Variants in SEMA5A observed in about 807,000 individuals in gnomAD.
SEMA5A encodes semaphorin 5A.
SEMA5A carries 55 observed loss-of-function variants against 135.5 expected under a neutral mutation model. The ratio of observed to expected loss-of-function variants is 0.41; its 90% confidence interval spans 0.33 to 0.51. The LOEUF is 0.51. Among genes scored for constraint, SEMA5A ranks in the 20% least tolerant of loss-of-function variants. The probability of loss-of-function intolerance (pLI) is 0.37; values close to 1 mark genes in which losing one functional copy is unlikely to be tolerated. For synonymous variants in SEMA5A, 580 were observed against 546.5 expected (o/e 1.06, Z -0.85); for missense variants, 1,290 against 1,419.9 (o/e 0.91, Z 1.47).
rs917457401 is a variant in SEMA5A, at chr5:9,181,441, C to A, written c.1273+8826G>T. On this transcript the variant is annotated intron_variant, in intron 11 of 22. Transcript: ENST00000382496. Reference sequence around the variant, plus strand: ...TCAGGTGCTGCCCTTAGAAACTATTCTGTTGTTGCCTTTCTCACTTCTCCA... The same window carrying A: ...TCAGGTGCTGCCCTTAGAAACTATTATGTTGTTGCCTTTCTCACTTCTCCA... Among the ~76,000 whole-genome samples, 22 of 152,166 alleles carry A rather than the reference C, an allele frequency of 1.4e-4. 1 individual carries two copies. The highest frequency in any genetic ancestry group is 2.0e-4 in the Admixed American group (3 of 15,274).
chr5:9,427,021 A>G (rs1757684823), intron 2 of SEMA5A, among the ~76,000 whole-genome samples: 1 of 151,994 alleles, frequency 6.6e-6, no homozygotes, highest in Admixed American at 6.6e-5. Context: ...TTATTTTAAA[A>G]AATGAAATTG....
At chr5:9,333,667 T>G (rs1279589193) in intron 4 of SEMA5A, among the ~76,000 whole-genome samples, 1 of 152,196 alleles carries the variant, frequency 6.6e-6, no homozygotes, top group Non-Finnish European at 1.5e-5. Context: ...TCATTTTGAA[T>G]TTTTTATACC....
chr5:9,184,157 A>T (rs1744678220), intron 11 of SEMA5A, among the ~76,000 whole-genome samples: 1 of 152,110 alleles, frequency 6.6e-6, no homozygotes, highest in South Asian at 2.1e-4. Flanking sequence ...AACATGCTCA[A>T]TTCACATTTT....
chr5:9,423,250 C>T (rs764414947), intron 2 of SEMA5A, among the ~76,000 whole-genome samples: 5 of 152,228 alleles, frequency 3.3e-5, no homozygotes, highest in East Asian at 1.9e-4. Flanking sequence ...TAAAAAATCA[C>T]GAATTTTTAA....
intron 1 of SEMA5A, among the ~76,000 whole-genome samples, chr5:9,445,012 T>C (rs373515760): frequency 6.6e-6 from 1 of 152,136 alleles, no homozygotes; most frequent in Non-Finnish European, 1.5e-5. Flanking sequence ...ACAAAATAAA[T>C]GCACAGAGAA....
intron 5 of SEMA5A, among the ~76,000 whole-genome samples, chr5:9,247,939 GT>G (rs1186838684): frequency 6.6e-6 from 1 of 152,112 alleles, no homozygotes; most frequent in Non-Finnish European, 1.5e-5. Flanking sequence ...ATACATTCAT[GT>G]CCTAGTTAAT....
intron 2 of SEMA5A, among the ~76,000 whole-genome samples, chr5:9,394,956 T>C (rs1036670015): frequency 5.3e-5 from 8 of 152,174 alleles, no homozygotes; most frequent in African/African-American, 1.7e-4. Context: ...AATGTTTGAC[T>C]AAAATAAACT....
intron 1 of SEMA5A, among the ~76,000 whole-genome samples, chr5:9,490,607 G>C (rs1298286905): frequency 6.6e-6 from 1 of 152,094 alleles, no homozygotes; most frequent in East Asian, 1.9e-4. Context: ...CAAGCAGGCT[G>C]GTGTGAAGGG....
chr5:9,434,889 T>G (rs575687478), intron 2 of SEMA5A, among the ~76,000 whole-genome samples: 1 of 152,308 alleles, frequency 6.6e-6, no homozygotes, highest in African/African-American at 2.4e-5. Flanking sequence ...AATGAACGAA[T>G]GAATGAGTAC....
chr5:9,524,955 AAG>A (rs1232434409), intron 1 of SEMA5A, among the ~76,000 whole-genome samples: 2 of 152,230 alleles, frequency 1.3e-5, no homozygotes, highest in Non-Finnish European at 2.9e-5. Flanking sequence ...GCTAATAAAA[AAG>A]AGAGAGAGGA....
intron 11 of SEMA5A, among the ~76,000 whole-genome samples, chr5:9,166,670 T>C (rs1410494976): frequency 6.6e-6 from 1 of 152,184 alleles, no homozygotes; most frequent in African/African-American, 2.4e-5. Flanking sequence ...AAAAGCTCCT[T>C]GCAGTACCCT....
At chr5:9,150,991 TG>T (rs1315417214) in intron 12 of SEMA5A, among the ~76,000 whole-genome samples, 2 of 152,162 alleles carry the variant, frequency 1.3e-5, no homozygotes, top group African/African-American at 4.8e-5. Flanking sequence ...AACATGGGCC[TG>T]GGGCAGTCTC....
intron 12 of SEMA5A, among the ~76,000 whole-genome samples, chr5:9,137,988 C>T (rs937059610): frequency 4.6e-5 from 7 of 151,996 alleles, no homozygotes; most frequent in African/African-American, 1.7e-4. Context: ...GAAGGCTGTA[C>T]AGCTAGGGAA....
intron 6 of SEMA5A, among the ~76,000 whole-genome samples, chr5:9,232,389 G>C (rs989504881): frequency 1.3e-5 from 2 of 152,124 alleles, no homozygotes; most frequent in Non-Finnish European, 2.9e-5. Flanking sequence ...TGCTGAAGAA[G>C]AGCAATTTAC....
chr5:9,176,272 G>A (rs10039096), intron 11 of SEMA5A, among the ~76,000 whole-genome samples: 14,967 of 152,174 alleles, frequency 0.098, 1,219 homozygotes, highest in African/African-American at 0.2. Context: ...AAAGCTGCAG[G>A]TGGTCTTAGG....
intron 3 of SEMA5A, among the ~76,000 whole-genome samples, chr5:9,344,301 G>C (rs1180732950): frequency 1.3e-5 from 2 of 152,136 alleles, no homozygotes; most frequent in Admixed American, 6.5e-5. Context: ...GGAATAAGTA[G>C]CTAAACTGGA....
At chr5:9,356,624 T>A (rs1332488506) in intron 3 of SEMA5A, among the ~76,000 whole-genome samples, 1 of 152,164 alleles carries the variant, frequency 6.6e-6, no homozygotes, top group Non-Finnish European at 1.5e-5. Context: ...TGTGAGGAAG[T>A]TGTGCAGCAG....
intron 6 of SEMA5A, among the ~76,000 whole-genome samples, chr5:9,229,935 T>A (rs1747528365): frequency 6.6e-6 from 1 of 152,126 alleles, no homozygotes. Context: ...TACGTTAATT[T>A]CCCAAAGGAA....
At chr5:9,459,913 A>G (rs1758992807) in intron 1 of SEMA5A, among the ~76,000 whole-genome samples, 1 of 152,242 alleles carries the variant, frequency 6.6e-6, no homozygotes, top group Non-Finnish European at 1.5e-5. Flanking sequence ...ACAGCACAAA[A>G]TCAGGCATTG....
Sources: allele counts gnomAD v4.1 joint callset (sites outside exome capture counted in the v4.1 genomes callset), GRCh38; gene constraint gnomAD v4.1.1; transcripts MANE v1.5; gene names NCBI Gene and HGNC (gene_info 2026-07-23, HGNC 2026-07-21).